Variants in CEP63 observed in about 807,000 individuals in gnomAD.
CEP63 encodes the protein centrosomal protein of 63 kDa.
A neutral mutation model predicts 89.1 loss-of-function variants in CEP63; 84 were observed. The observed-to-expected ratio is 0.94, with a 90% confidence interval of 0.79 to 1.13. CEP63 has a LOEUF of 1.13. CEP63 is among the 50% of genes most tolerant of loss of function. The probability of loss-of-function intolerance (pLI) is 0.00; values close to 1 mark genes in which losing one functional copy is unlikely to be tolerated. For synonymous variants in CEP63, 267 were observed against 272.5 expected, an observed-to-expected ratio of 0.98 and a Z score of 0.20; for missense variants, 838 against 813.3, an observed-to-expected ratio of 1.03 and a Z score of -0.37.
rs1444409722 is a variant in CEP63, at chr3:134,545,776, A to T, written c.746A>T (p.Gln249Leu). Reference protein sequence around the residue: ...GTSMTVLQEQQQKEEKLRESE... With the variant: ...GTSMTVLQEQLQKEEKLRESE... The stretch of plus-strand genomic sequence containing the variant: ...AGTATGACTGTCCTACAGGAGCAGC[A>T]GCAAAAAGAAGAAAAATTGAGGGAA... The change falls in exon 7 of 15, where the codon CAG becomes CTG. Residue 249 changes from glutamine (Q) to leucine (L), a missense_variant. Physicochemically the swap from Gln to Leu is moderately radical, Grantham distance 113. Coordinates refer to ENST00000675561, the MANE Select transcript of CEP63 (RefSeq NM_001353108.3). The T allele has an allele frequency of 6.2e-7, 1 of 1,613,700 alleles. No individual in the cohort carries two copies. The highest frequency in any genetic ancestry group is 8.5e-7 in the Non-Finnish European group (1 of 1,179,972).
downstream of CEP63, among the ~76,000 whole-genome samples, chr3:134,569,865 C>G (rs1220660092): frequency 1.3e-5 from 2 of 152,246 alleles, no homozygotes; most frequent in Non-Finnish European, 2.9e-5. Context: ...GCAAGCGTTT[C>G]TATACACCCT....
At chr3:134,753,245 C>T in the CEP63 span, among the ~76,000 whole-genome samples, 6 of 152,116 alleles carry the variant, frequency 3.9e-5, no homozygotes, top group African/African-American at 7.2e-5. Context: ...CGTGTCTACT[C>T]GTTCTCTTTG....
chr3:134,524,871 G>A (rs1186373965), intron 3 of CEP63, among the ~76,000 whole-genome samples: 1 of 152,110 alleles, frequency 6.6e-6, no homozygotes, highest in East Asian at 1.9e-4. Context: ...GCCAGGTTTT[G>A]GTATCAGGTT....
the CEP63 span, among the ~76,000 whole-genome samples, chr3:134,703,410 T>A: frequency 1.3e-4 from 20 of 151,394 alleles, no homozygotes; most frequent in Non-Finnish European, 2.9e-4. Flanking sequence ...ATAAGGGAAA[T>A]GTGGTACATG....
In CEP63 at chr3:134,544,636, T is replaced by TCG. The variant is rs1553774709; in HGVS notation, c.556-950_556-949insCG. Among the ~76,000 whole-genome samples the TCG allele has an allele frequency of 3.4e-5, 5 of 145,328 alleles. No homozygotes were observed. The East Asian group carries it at 8.2e-4, about 24-fold the overall frequency. On this transcript the variant is annotated intron_variant, in intron 6 of 14. Coordinates refer to ENST00000675561, the MANE Select transcript of CEP63 (RefSeq NM_001353108.3). ...CAGAATAATTACAACATGCTCTAGG[T>TCG]GGGGGGGGGAATTTAAACTACAAAT...
intron 1 of CEP63, among the ~76,000 whole-genome samples, chr3:134,487,639 C>T (rs926596483): frequency 9.2e-5 from 14 of 152,168 alleles, no homozygotes; most frequent in Non-Finnish European, 2.1e-4. Flanking sequence ...ACTGAATCTC[C>T]GATCTTTATG....
intron 1 of CEP63, among the ~76,000 whole-genome samples, chr3:134,490,093 T>C (rs1937092585): frequency 6.6e-6 from 1 of 152,152 alleles, no homozygotes; most frequent in Non-Finnish European, 1.5e-5. Flanking sequence ...GAGACCACAG[T>C]CTTACCTAGG....
chr3:134,722,958 T>C, the CEP63 span, among the ~76,000 whole-genome samples: 5 of 152,224 alleles, frequency 3.3e-5, no homozygotes, highest in Non-Finnish European at 5.9e-5. Flanking sequence ...CTTTTCCAGA[T>C]GGACAACTAT....
At chr3:134,577,347 A>T (rs987864069), downstream of CEP63, among the ~76,000 whole-genome samples, 7 of 151,958 alleles carry the variant, frequency 4.6e-5, no homozygotes, top group African/African-American at 1.5e-4. Flanking sequence ...GGATTTAACA[A>T]ATGTCAACAT....
At chr3:134,506,918 C>CAAAAAAAAAAAAAA (rs1229943667) in intron 2 of CEP63, among the ~76,000 whole-genome samples, 191 bp from the exon 3 acceptor site, 1 of 24,272 alleles carries the variant, frequency 4.1e-5, no homozygotes, top group Non-Finnish European at 9.1e-5. Context: ...AACTCCATCT[C>CAAAAAAAAAAAAAA]AAAAAAAAAA....
At chr3:134,734,309 C>T in the CEP63 span, among the ~76,000 whole-genome samples, 1 of 151,974 alleles carries the variant, frequency 6.6e-6, no homozygotes, top group Non-Finnish European at 1.5e-5. Flanking sequence ...ACAAGCAGAC[C>T]ACTGATACAC....
At chr3:134,669,191 T>C in the CEP63 span, among the ~76,000 whole-genome samples, 13 of 151,316 alleles carry the variant, frequency 8.6e-5, no homozygotes, top group African/African-American at 3.2e-4. Flanking sequence ...ACACGCGGCT[T>C]AATTTTTTAA....
downstream of CEP63, among the ~76,000 whole-genome samples, chr3:134,588,542 GA>G (rs1958533901): frequency 6.6e-6 from 1 of 152,164 alleles, no homozygotes; most frequent in East Asian, 1.9e-4. Context: ...GAATGATCAT[GA>G]AATGACTACA....
the CEP63 span, among the ~76,000 whole-genome samples, chr3:134,742,324 G>C: frequency 6.6e-6 from 1 of 152,142 alleles, no homozygotes; most frequent in Non-Finnish European, 1.5e-5. Flanking sequence ...ATGAGGATGA[G>C]AGAGTCTAGT....
the CEP63 span, among the ~76,000 whole-genome samples, chr3:134,619,667 G>A: frequency 6.6e-6 from 1 of 152,226 alleles, no homozygotes; most frequent in African/African-American, 2.4e-5. Flanking sequence ...GTCTCCAAGT[G>A]GAGAAGGCTG....
At chr3:134,651,378 A>G in the CEP63 span, 4 of 1,119,736 alleles carry the variant, frequency 3.6e-6, no homozygotes, top group Non-Finnish European at 4.4e-6. Flanking sequence ...GGTTCTCGAG[A>G]GGGCTGGAGC....
chr3:134,722,344 T>C, the CEP63 span, among the ~76,000 whole-genome samples: 417 of 150,430 alleles, frequency 2.8e-3, 13 homozygotes, highest in East Asian at 0.072. Context: ...ATACTGTATA[T>C]ATACAGTATA....
chr3:134,709,010 C>T, the CEP63 span, among the ~76,000 whole-genome samples: 4 of 152,188 alleles, frequency 2.6e-5, no homozygotes, highest in South Asian at 2.1e-4. Flanking sequence ...GGGGTTGTCA[C>T]TTGGACTTGC....
the CEP63 span, chr3:134,619,377 G>A: frequency 5.1e-6 from 4 of 779,558 alleles, no homozygotes; most frequent in South Asian, 2.8e-5. Flanking sequence ...ACTACAGTGG[G>A]CTGAATGGAA....
Sources: gnomAD v4.1 joint callset for allele counts (sites outside exome capture counted in the v4.1 genomes callset) on GRCh38, gnomAD v4.1.1 for gene constraint, MANE v1.5 for transcripts, NCBI Gene and HGNC (gene_info 2026-07-23, HGNC 2026-07-21) for gene names.